C12orf50: variants seen among roughly 807,000 people sequenced by gnomAD.
The protein encoded by C12orf50 is zinc finger CCCH-type containing 11D.
Under a neutral mutation model 61.6 loss-of-function variants are expected in C12orf50, and 35 were observed. The ratio of observed to expected loss-of-function variants is 0.57; its 90% CI spans 0.43 to 0.75. C12orf50 has a LOEUF of 0.75. Among genes scored for constraint, C12orf50 ranks in the 30% least tolerant of loss-of-function variants. C12orf50 has a pLI of 0.00. For missense variants in C12orf50, 475 were observed against 488.5 expected (o/e 0.97, Z 0.26); for synonymous variants, 178 against 161.5 (o/e 1.10, Z -0.77).
chr12:88,021,098 C>T (rs1224002743), intron 3 of C12orf50, among the ~76,000 whole-genome samples: 1 of 152,030 alleles, frequency 6.6e-6, no homozygotes, highest in Non-Finnish European at 1.5e-5. Context: ...CTCAAATTAA[C>T]AACTTAACAT....
chr12:88,019,642 C>G (rs1209708048), intron 3 of C12orf50, among the ~76,000 whole-genome samples: 1 of 149,226 alleles, frequency 6.7e-6, no homozygotes, highest in Non-Finnish European at 1.5e-5. Context: ...AAAAAAAAAA[C>G]CAAGAACTAA....
chr12:88,005,911 G>GTTTTT (rs1491516748), intron 3 of C12orf50, among the ~76,000 whole-genome samples: 2 of 110,032 alleles, frequency 1.8e-5, no homozygotes, highest in African/African-American at 7.9e-5. Flanking sequence ...TTGTTTTTTT[G>GTTTTT]GTTTTTTTTT....
rs1436631609 is a variant in C12orf50, at chr12:87,987,951, G to A, written c.716C>T (p.Pro239Leu). 6.2e-7 allele frequency: 1 copy of A among 1,600,404 alleles called. No homozygotes were observed. Among genetic ancestry groups the A allele is most frequent in the South Asian group, 1.1e-5 (1 of 89,552 alleles). Residue 239 changes from proline to leucine, a missense_variant, in exon 9 of 13, where the codon CCT becomes CTT. Coordinates refer to ENST00000298699, the MANE Select transcript of C12orf50 (RefSeq NM_152589.3). ...GGTAGTTAGGGAATGCTTTGGATGA[G>A]GACTGTCCTTGTTATCTTTTAAAGC... Reference protein sequence around the residue: ...CSNTKDNKDSPHPKHSLTTRL... With the variant: ...CSNTKDNKDSLHPKHSLTTRL...
Position 87,996,697 on chromosome 12 carries a change from G to T in C12orf50, c.290-51C>A, listed in dbSNP as rs770915263. On this transcript the variant is annotated intron_variant, in intron 4 of 12. Transcript: ENST00000298699. Reference sequence around the variant, plus strand: ...AAATTGTCCCAAAGCCAATTAATCTGAAAATTTATAAACCAGAAAGGAAAA... The same window carrying T: ...AAATTGTCCCAAAGCCAATTAATCTTAAAATTTATAAACCAGAAAGGAAAA... 3 of 1,386,786 alleles carry T rather than the reference G, an allele frequency of 2.2e-6. No individual in the cohort carries two copies. The African/African-American group carries it at 4.4e-5, about 20-fold the overall frequency. 85.9% of individuals were successfully genotyped at this position (1,386,786 alleles called of 1,614,324 possible).
chr12:88,014,074 C>G (rs899456627), intron 3 of C12orf50, among the ~76,000 whole-genome samples: 27 of 152,186 alleles, frequency 1.8e-4, no homozygotes, highest in African/African-American at 6.5e-4. Flanking sequence ...ATATCTCACT[C>G]TAATACTGTA....
At chr12:87,994,547 A>G (rs1243467283) in intron 7 of C12orf50, 86 bp downstream of exon 7, 40 of 1,071,276 alleles carry the variant, frequency 3.7e-5, no homozygotes, top group Non-Finnish European at 5.5e-5. Context: ...TGGACAAAAA[A>G]AGAAAATTAG....
chr12:88,005,912 G>GTTTTT lies in C12orf50; in HGVS notation c.134-7727_134-7723dup, dbSNP rs371924944. On this transcript the variant is annotated intron_variant, in intron 3 of 12. Transcript: ENST00000298699. ...AGGACTATGTTTTTTTGTTTTTTTG[G>GTTTTT]TTTTTTTTTTTTTTTTTTTTTTGAG... Among the ~76,000 whole-genome samples, 129 of 91,016 alleles carry GTTTTT rather than the reference G, an allele frequency of 1.4e-3. 4 individuals carry two copies. Among genetic ancestry groups the GTTTTT allele is most frequent in the African/African-American group, 4.8e-3 (111 of 23,072 alleles). 59.7% of individuals were successfully genotyped at this position (91,016 alleles called of 152,430 possible). A position where few individuals can be genotyped will look rare whatever the true frequency, so the allele number is the denominator to read the frequency against.
chr12:88,018,724 C>T (rs545855161), intron 3 of C12orf50, among the ~76,000 whole-genome samples: 22 of 152,298 alleles, frequency 1.4e-4, no homozygotes, highest in African/African-American at 5.3e-4. Flanking sequence ...CACCTTTTGC[C>T]TCAGTGGGAC....
rs527409669 is a variant in C12orf50, at chr12:88,010,398, CTTATAATAAGATTATAAGATTAAAATTA to C, written c.134-12236_134-12209del. 2.8e-3 allele frequency among the ~76,000 whole-genome samples: 302 copies of C among 109,130 alleles called. 4 individuals carry two copies. The highest frequency in any genetic ancestry group is 0.022 in the African/African-American group (287 of 13,234). 71.6% of individuals were successfully genotyped at this position (109,130 alleles called of 152,430 possible). ...ATTATAAGATTAAAATTATTATAAT[CTTATAATAAGATTATAAGATTAAAATTA>C]TTATAATCTTATAATAAGATTATAA... On this transcript the variant is annotated intron_variant, in intron 3 of 12. Transcript: ENST00000298699.
intron 12 of C12orf50, among the ~76,000 whole-genome samples, chr12:87,980,818 T>A (rs2030428333): frequency 6.6e-6 from 1 of 152,140 alleles, no homozygotes; most frequent in South Asian, 2.1e-4. Flanking sequence ...CCAACAACAT[T>A]TTTCCAAAAG....
chr12:88,026,409 T>TAA, intron 3 of C12orf50, 79 bp downstream of exon 3: 1 of 1,485,372 alleles, frequency 6.7e-7, no homozygotes, highest in African/African-American at 1.4e-5. Flanking sequence ...TCATACTTTT[T>TAA]AAATGTGTCA....
chr12:88,023,709 A>T (rs2032604280), intron 3 of C12orf50, among the ~76,000 whole-genome samples: 2 of 151,772 alleles, frequency 1.3e-5, no homozygotes, highest in African/African-American at 2.4e-5. Context: ...AAGATAACCT[A>T]GGAAATACCA....
intron 3 of C12orf50, among the ~76,000 whole-genome samples, chr12:88,022,174 G>T (rs1266851766): frequency 6.6e-6 from 1 of 151,672 alleles, no homozygotes; most frequent in Non-Finnish European, 1.5e-5. Flanking sequence ...TCCTTGGGAT[G>T]CAAGGTTGGT....
intron 3 of C12orf50, among the ~76,000 whole-genome samples, chr12:88,008,935 T>G (rs187329063): frequency 6.6e-6 from 1 of 152,294 alleles, no homozygotes; most frequent in Non-Finnish European, 1.5e-5. Context: ...TTTCTTGCCT[T>G]CTTTCATTTA....
chr12:87,997,987 G>A lies in C12orf50; in HGVS notation c.289+48C>T, dbSNP rs190783209. Reference sequence around the variant, plus strand: ...ACAGTTAAACACATATGTAAAAAATGTGAGGTTTTTGAATGTGTATTGTAA... The same window carrying A: ...ACAGTTAAACACATATGTAAAAAATATGAGGTTTTTGAATGTGTATTGTAA... On this transcript the variant is annotated intron_variant, in intron 4 of 12. Transcript: ENST00000298699. 7.3e-5 allele frequency: 107 copies of A among 1,469,430 alleles called. No individual in the cohort carries two copies. In the East Asian group the frequency reaches 2.4e-3, roughly 33 times the overall value. The allele number at this position is 1,469,430 out of a possible 1,614,324, so 91.0% of individuals were successfully genotyped here. A position where few individuals can be genotyped will look rare whatever the true frequency, so the allele number is the denominator to read the frequency against.
intron 11 of C12orf50, 29 bp from the exon 12 acceptor site, chr12:87,983,224 T>G (rs2030610753): frequency 7.0e-7 from 1 of 1,429,422 alleles, no homozygotes; most frequent in Non-Finnish European, 9.7e-7. Flanking sequence ...GAATTAAATA[T>G]TTTATAACTT....
At chr12:87,999,549 T>C (rs2031563805) in intron 3 of C12orf50, among the ~76,000 whole-genome samples, 1 of 152,162 alleles carries the variant, frequency 6.6e-6, no homozygotes, top group Non-Finnish European at 1.5e-5. Flanking sequence ...GAAACTAGAA[T>C]CTTTGTACAC....
chr12:88,011,568 T>C (rs1406902934), intron 3 of C12orf50, among the ~76,000 whole-genome samples: 1 of 152,188 alleles, frequency 6.6e-6, no homozygotes, highest in Non-Finnish European at 1.5e-5. Context: ...TTACTATCTC[T>C]ACCATACAGA....
chr12:88,005,082 A>G (rs2031806004), intron 3 of C12orf50, among the ~76,000 whole-genome samples: 1 of 152,118 alleles, frequency 6.6e-6, no homozygotes, highest in Non-Finnish European at 1.5e-5. Flanking sequence ...GAACATCACA[A>G]TCCTCTCATA....
Sources: allele counts gnomAD v4.1 joint callset (sites outside exome capture counted in the v4.1 genomes callset), GRCh38; gene constraint gnomAD v4.1.1; transcripts MANE v1.5; gene names NCBI Gene and HGNC (gene_info 2026-07-23, HGNC 2026-07-21).